ADNP2: variants seen among roughly 807,000 people sequenced by gnomAD.
ADNP2 encodes the protein activity-dependent neuroprotector homeobox protein 2.
In ADNP2, 8 loss-of-function variants were observed where a neutral mutation model predicts 16.4. That is an observed-to-expected ratio of 0.49 (90% CI 0.29 to 0.88). The LOEUF (loss-of-function observed/expected upper bound fraction) is 0.88. ADNP2 is among the 40% of genes least tolerant of loss of function. ADNP2 has a pLI of 0.09. For synonymous variants in ADNP2, 637 were observed against 545.8 expected (o/e 1.17, Z -2.33); for missense variants, 1,397 against 1,395.1 (o/e 1.00, Z -0.02).
intron 2 of ADNP2, among the ~76,000 whole-genome samples, chr18:80,119,478 G>A (rs894770785): frequency 2.0e-5 from 3 of 151,658 alleles, no homozygotes; most frequent in Non-Finnish European, 4.4e-5. Flanking sequence ...AAAGAACCAA[G>A]GAAACTACCT....
At chr18:80,123,979 C>G (rs1231742005) in intron 2 of ADNP2, among the ~76,000 whole-genome samples, 2 of 152,200 alleles carry the variant, frequency 1.3e-5, no homozygotes, top group African/African-American at 2.4e-5. Flanking sequence ...ATTTACCCAC[C>G]TCGGTGTCCC....
At position 80,135,634 on chromosome 18, in the gene ADNP2, G is replaced by A; in HGVS notation, c.221G>A (p.Cys74Tyr). The change falls in exon 4 of 4, where the codon TGT becomes TAT. Residue 74 changes from cysteine to tyrosine, a missense_variant. Around this residue, in one of 3 missense-constraint regions of ADNP2, gnomAD observed 777 missense variants for 719.4 expected, o/e 1.08. Coordinates refer to ENST00000262198, the MANE Select transcript of ADNP2 (RefSeq NM_014913.4). ...CAGAGATATCGAACAAAGCCATACT[G>A]TTGTGGCCTCTGTAAATACTCTACA... is the stretch of plus-strand genomic sequence containing the variant. ...KKVRYRTKPY[C>Y]CGLCKYSTKV... The A allele has an allele frequency of 6.2e-7, 1 of 1,614,042 alleles. No individual in the cohort carries two copies. Among genetic ancestry groups the A allele is most frequent in the Non-Finnish European group, 8.5e-7 (1 of 1,179,908 alleles).
chr18:80,117,592 A>C lies in ADNP2; in HGVS notation c.50A>C (p.Lys17Thr). Residue 17 changes from lysine to threonine, a missense_variant, in exon 2 of 4, where the codon AAA becomes ACA. Around this residue, in one of 3 missense-constraint regions of ADNP2, gnomAD observed 777 missense variants for 719.4 expected, o/e 1.08. Coordinates refer to ENST00000262198, the MANE Select transcript of ADNP2 (RefSeq NM_014913.4). ...CTTGACAACATCAGAAAGGTGCGAA[A>C]AAAGGTGAAAGGTATTCTTGTGGAT... ...ENLDNIRKVR[K>T]KVKGILVDIG... 6.2e-7 allele frequency: 1 copy of C among 1,606,354 alleles called. No individual in the cohort carries two copies. The highest frequency in any genetic ancestry group is 8.5e-7 in the Non-Finnish European group (1 of 1,177,870).
chr18:80,135,509 C>A, intron 3 of ADNP2, 103 bp from the exon 4 acceptor site: 1 of 1,176,526 alleles, frequency 8.5e-7, no homozygotes, highest in Non-Finnish European at 1.2e-6. Context: ...AGGTTAAATG[C>A]CTAGCACATT....
Position 80,136,637 on chromosome 18 carries a change from A to T in ADNP2, c.1224A>T (p.Gly408=). Residue 408 remains glycine, a synonymous_variant, in exon 4 of 4, where the codon GGA becomes GGT. Coordinates refer to ENST00000262198, the MANE Select transcript of ADNP2 (RefSeq NM_014913.4). ...TTTTACCCCTCACCCAGCCTGTGGG[A>T]CCCATAAACAGACCTGTTGGGCCTG... ...PGVLPLTQPV[G]PINRPVGPGV... 1.2e-6 allele frequency: 2 copies of T among 1,614,002 alleles called. No homozygotes were observed. Among genetic ancestry groups the T allele is most frequent in the Non-Finnish European group, 1.7e-6 (2 of 1,179,930 alleles).
chr18:80,133,215 T>G (rs1179336885), intron 3 of ADNP2, 23 bp downstream of exon 3: 1 of 1,574,134 alleles, frequency 6.4e-7, no homozygotes, highest in African/African-American at 1.3e-5. Flanking sequence ...TGCATTTGTT[T>G]TTCATGTTTC....
chr18:80,117,328 T>C (rs1223911301), intron 1 of ADNP2, among the ~76,000 whole-genome samples: 1 of 152,204 alleles, frequency 6.6e-6, no homozygotes, highest in Non-Finnish European at 1.5e-5. Flanking sequence ...TACAGGTGTG[T>C]GATCCACTTT....
intron 1 of ADNP2, among the ~76,000 whole-genome samples, chr18:80,111,905 T>C (rs2052360180): frequency 6.6e-6 from 1 of 152,168 alleles, no homozygotes; most frequent in African/African-American, 2.4e-5. Flanking sequence ...GAGATCATTA[T>C]ACTAAAAAAT....
At chr18:80,112,313 G>T (rs1482883200) in intron 1 of ADNP2, among the ~76,000 whole-genome samples, 2 of 152,192 alleles carry the variant, frequency 1.3e-5, no homozygotes, top group Admixed American at 1.3e-4. Flanking sequence ...GATAAATTAT[G>T]GGTAAAAGTC....
rs1285879722 is a variant in ADNP2 at position 80,138,977 on chromosome 18, G to T, written c.*168G>T. 9 of 536,018 alleles carry T rather than the reference G, an allele frequency of 1.7e-5. No individual in the cohort carries two copies. In the East Asian group the frequency reaches 2.6e-4, roughly 16 times the overall value. 33.2% of individuals were successfully genotyped at this position (536,018 alleles called of 1,614,324 possible). A position where few individuals can be genotyped will look rare whatever the true frequency, so the allele number is the denominator to read the frequency against. On this transcript the variant is annotated 3_prime_UTR_variant, in exon 4 of 4. Transcript: ENST00000262198. ...AGAGACCCCTGTTACCAGGAAGCCA[G>T]TAGTTATTTCACATCTATTGTTTCC...
chr18:80,137,379 A>C lies in ADNP2; in HGVS notation c.1966A>C (p.Met656Leu). 6.2e-7 allele frequency: 1 copy of C among 1,614,128 alleles called. No individual in the cohort carries two copies. Among genetic ancestry groups the C allele is most frequent in the South Asian group, 1.1e-5 (1 of 91,082 alleles). Residue 656 changes from methionine to leucine, a missense_variant, in exon 4 of 4, where the codon ATG (methionine) becomes CTG (leucine). Around this residue, in one of 3 missense-constraint regions of ADNP2, gnomAD observed 611 missense variants for 648.7 expected, o/e 0.94. Coordinates refer to ENST00000262198, the MANE Select transcript of ADNP2 (RefSeq NM_014913.4). The surrounding 1 kb of genome is among the most constrained non-coding windows in gnomAD (Gnocchi z 4.2). ...SGAAAPMAGS[M>L]PGMPSPPVLV... Reference sequence around the variant, plus strand: ...TGCAGCTGCACCAATGGCCGGTTCCATGCCCGGCATGCCCTCTCCTCCAGT... The same window carrying C: ...TGCAGCTGCACCAATGGCCGGTTCCCTGCCCGGCATGCCCTCTCCTCCAGT...
At chr18:80,125,700 A>T (rs928818316) in intron 2 of ADNP2, among the ~76,000 whole-genome samples, 1 of 151,780 alleles carries the variant, frequency 6.6e-6, no homozygotes, top group African/African-American at 2.4e-5. Context: ...AGTGTCAGGT[A>T]CTCGGGAGGC....
intron 1 of ADNP2, among the ~76,000 whole-genome samples, chr18:80,112,969 C>G (rs1225522336): frequency 6.6e-6 from 1 of 152,134 alleles, no homozygotes; most frequent in East Asian, 1.9e-4. Context: ...GATAGTGGAA[C>G]TTTAAGGAGG....
At position 80,136,297 on chromosome 18, in the gene ADNP2, C is replaced by T. The variant is rs764931623; in HGVS notation, c.884C>T (p.Ala295Val). The change falls in exon 4 of 4, where the codon GCT becomes GTT. Residue 295 changes from alanine (A) to valine (V), a missense_variant. Ala to Val is a moderately conservative substitution (Grantham distance 64). Transcript: ENST00000262198. ...GCGCAGCCTCCTTGCTTCCATCTTGCTTTGCCACAGAACAGTCCAAGCCCA... is the reference window on the plus strand; with the variant it reads ...GCGCAGCCTCCTTGCTTCCATCTTGTTTTGCCACAGAACAGTCCAAGCCCA... Reference protein sequence around the residue: ...APAQPPCFHLALPQNSPSPAA... With the variant: ...APAQPPCFHLVLPQNSPSPAA... The T allele has an allele frequency of 6.2e-7, 1 of 1,613,686 alleles. No homozygotes were observed. The highest frequency in any genetic ancestry group is 1.1e-5 in the South Asian group (1 of 91,084).
Position 80,138,788 on chromosome 18 carries a change from G to T in ADNP2, c.3375G>T (p.Leu1125Phe). 6.7e-7 allele frequency: 1 copy of T among 1,502,822 alleles called. No individual in the cohort carries two copies. Among genetic ancestry groups the T allele is most frequent in the South Asian group, 1.3e-5 (1 of 75,238 alleles). The allele number at this position is 1,502,822 out of a possible 1,614,324, so 93.1% of individuals were successfully genotyped here. ...AACTTAAAAATGTGAAACATAGATT[G>T]AACTTTGAATATGAACCATAAAACT... The part of the protein sequence containing the change: ...MSELKNVKHR[L>F]NFEYEP The change falls in exon 4 of 4, where the codon TTG becomes TTT. Residue 1125 changes from leucine (L) to phenylalanine (F), a missense_variant. Leu to Phe is a conservative substitution (Grantham distance 22). This residue lies in a region of ADNP2 where 611 missense variants were observed against 648.7 expected (regional missense o/e 0.94). Transcript: ENST00000262198.
rs1491082115 is a variant in ADNP2 at position 80,129,103 on chromosome 18, TTG to T, written c.109-3998_109-3997del. 2.4e-3 allele frequency among the ~76,000 whole-genome samples: 214 copies of T among 88,606 alleles called. 10 individuals carry two copies. Among genetic ancestry groups the T allele is most frequent in the Admixed American group, 5.8e-3 (35 of 6,074 alleles). The allele number at this position is 88,606 out of a possible 152,430, so 58.1% of individuals were successfully genotyped here. On this transcript the variant is annotated intron_variant, in intron 2 of 3. Transcript: ENST00000262198. ...TTCAGTTTTACCCAGAACTTTTTTT[TTG>T]TTTTTTTTTTTTTTTTGAGATGGGG...
chr18:80,128,610 A>G (rs1271665029), intron 2 of ADNP2, among the ~76,000 whole-genome samples: 5 of 152,180 alleles, frequency 3.3e-5, no homozygotes, highest in Non-Finnish European at 7.4e-5. Flanking sequence ...AGATTGCACC[A>G]CTGCACTCCA....
chr18:80,117,385 A>G (rs1176176033), intron 1 of ADNP2, 145 bp from the exon 2 acceptor site: 1 of 470,238 alleles, frequency 2.1e-6, no homozygotes, highest in African/African-American at 2.0e-5. Context: ...AACCTCATTC[A>G]TTTGCATATG....
At chr18:80,125,354 A>G (rs1235495010) in intron 2 of ADNP2, among the ~76,000 whole-genome samples, 1 of 152,168 alleles carries the variant, frequency 6.6e-6, no homozygotes, top group African/African-American at 2.4e-5. Context: ...TCTTTAAAAT[A>G]ATAAATAGGC....
Sources: allele counts gnomAD v4.1 joint callset (sites outside exome capture counted in the v4.1 genomes callset), GRCh38; gene constraint gnomAD v4.1.1; regional missense constraint gnomAD v4.1.1; non-coding constraint Gnocchi (gnomAD v3.1); transcripts MANE v1.5; gene names NCBI Gene and HGNC (gene_info 2026-07-23, HGNC 2026-07-21).